PIEZO1: variants seen among roughly 807,000 people sequenced by gnomAD.
PIEZO1 encodes the protein piezo type mechanosensitive ion channel component 1 (Er blood group), also known as piezo-type mechanosensitive ion channel component 1.
Under a neutral mutation model 297.2 loss-of-function variants are expected in PIEZO1, and 296 were observed. That is an observed-to-expected ratio of 1.00 (90% CI 0.91 to 1.10). PIEZO1 has a LOEUF of 1.10. Ranked by LOEUF, PIEZO1 falls within the 50% of genes least tolerant of loss-of-function variation. The pLI is 0.00. For synonymous variants in PIEZO1, 2,427 were observed against 1,507.5 expected, an observed-to-expected ratio of 1.61 and a Z score of -14.13; for missense variants, 5,018 against 3,455.5, an observed-to-expected ratio of 1.45 and a Z score of -11.34.
At position 88,721,826 on chromosome 16, in the gene PIEZO1, C is replaced by T. The variant is rs367980850; in HGVS notation, c.5196G>A (p.Thr1732=). The T allele has an allele frequency of 6.0e-5, 93 of 1,547,248 alleles. No homozygotes were observed. The highest frequency in any genetic ancestry group is 1.7e-4 in the Middle Eastern group (1 of 5,998). ...GGCCCACCTCGGTGAAGACGATGGC[C>T]GTCATCCAGAAGCGCTTGCTGGGCC... ...IPRPSKRFWM[T]AIVFTEIAVV... is the part of the protein sequence containing the mutation. Residue 1732 remains threonine (T), a synonymous_variant, in exon 37 of 51, where the codon ACG becomes ACA. Transcript: ENST00000301015.
Position 88,716,375 on chromosome 16 carries a change from G to C in PIEZO1, c.7035C>G (p.Thr2345=). The part of the protein sequence containing the change: ...RRQLASLLEG[T]SDQSVVIPNL... ...CCTTCACTCACACAGACTGGTCCGA[G>C]GTGCCCTCGAGCAGGCTGGCCAGCT... The change falls in exon 48 of 51, where the codon ACC becomes ACG. Residue 2345 remains threonine, a synonymous_variant. Coordinates refer to ENST00000301015, the MANE Select transcript of PIEZO1 (RefSeq NM_001142864.4). 1 of 1,543,820 alleles carries C rather than the reference G, an allele frequency of 6.5e-7. No homozygotes were observed. The highest frequency in any genetic ancestry group is 8.7e-7 in the Non-Finnish European group (1 of 1,143,032).
chr16:88,736,346 G>T lies in PIEZO1; in HGVS notation c.1359C>A (p.Ile453=). The T allele has an allele frequency of 6.5e-7, 1 of 1,550,130 alleles. No homozygotes were observed. Among genetic ancestry groups the T allele is most frequent in the Non-Finnish European group, 8.7e-7 (1 of 1,146,838 alleles). The change falls in exon 12 of 51, where the codon ATC becomes ATA. Residue 453 remains isoleucine, a synonymous_variant. Coordinates refer to ENST00000301015, the MANE Select transcript of PIEZO1 (RefSeq NM_001142864.4). ...GTTGGTGGCGGCTGCGCACCGTCCAGATGAGGCAGGCCCAGAGCAGCAGTA... is the reference window on the plus strand; with the variant it reads ...GTTGGTGGCGGCTGCGCACCGTCCATATGAGGCAGGCCCAGAGCAGCAGTA... ...TFVLLLWACL[I]WTVRSRHQLA...
At chr16:88,747,020 G>A (rs1386218394) in intron 2 of PIEZO1, among the ~76,000 whole-genome samples, 1 of 152,146 alleles carries the variant, frequency 6.6e-6, no homozygotes, top group African/African-American at 2.4e-5. Context: ...CGGCCGCACT[G>A]GGCCCCTCCC....
chr16:88,724,771 G>A (rs561400391), intron 30 of PIEZO1, among the ~76,000 whole-genome samples: 13 of 152,268 alleles, frequency 8.5e-5, no homozygotes, highest in Middle Eastern at 3.4e-3. Flanking sequence ...ATGTGTCATC[G>A]GGGCAAGCTC....
At chr16:88,779,638 A>G (rs1388295367) in intron 1 of PIEZO1, among the ~76,000 whole-genome samples, 2 of 152,168 alleles carry the variant, frequency 1.3e-5, no homozygotes, top group Non-Finnish European at 2.9e-5. Flanking sequence ...GGGAATCTGC[A>G]GTGGGATGGG....
chr16:88,717,921 A>G (rs1912166916), intron 44 of PIEZO1: 2 of 386,934 alleles, frequency 5.2e-6, no homozygotes, highest in Non-Finnish European at 1.0e-5. Context: ...AACCTGGCCA[A>G]AAATACAAAA....
At chr16:88,766,689 GT>G (rs1446431087) in intron 1 of PIEZO1, among the ~76,000 whole-genome samples, 1 of 152,236 alleles carries the variant, frequency 6.6e-6, no homozygotes, top group Non-Finnish European at 1.5e-5. Context: ...ATTCAACAAA[GT>G]CATGAAGCAA....
Position 88,719,603 on chromosome 16 carries a change from T to C in PIEZO1, c.6442A>G (p.Ile2148Val). 1 of 1,551,556 alleles carries C rather than the reference T, an allele frequency of 6.4e-7. No individual in the cohort carries two copies. The highest frequency in any genetic ancestry group is 8.7e-7 in the Non-Finnish European group (1 of 1,147,456). Residue 2148 changes from isoleucine (I) to valine (V), a missense_variant, in exon 44 of 51, where the codon ATC becomes GTC. Ile to Val is a conservative substitution (Grantham distance 29, BLOSUM62 3). Coordinates refer to ENST00000301015, the MANE Select transcript of PIEZO1 (RefSeq NM_001142864.4). ...CVEDIYANIF[I>V]IKCSRETEKK... is the part of the protein sequence containing the mutation. ...TCTGTCTCTCGGCTGCATTTGATGA[T>C]GAAGATGTTGGCATAGATGTCCTCC...
chr16:88,737,037 G>T (rs1905266898), intron 10 of PIEZO1: 1 of 323,502 alleles, frequency 3.1e-6, no homozygotes, highest in Admixed American at 4.8e-5. Flanking sequence ...CCCCACCCCA[G>T]GGCCGTGGCT....
chr16:88,716,237 TGGGGGCACGGATGTAC>T lies in PIEZO1; in HGVS notation c.7074_7089del (p.Tyr2359ThrfsTer8). 1 of 1,496,574 alleles carries T rather than the reference TGGGGGCACGGATGTAC, an allele frequency of 6.7e-7. No homozygotes were observed. Among genetic ancestry groups the T allele is most frequent in the Non-Finnish European group, 9.0e-7 (1 of 1,117,236 alleles). 92.7% of individuals were successfully genotyped at this position (1,496,574 alleles called of 1,614,324 possible). On this transcript the variant is annotated frameshift_variant, in exon 49 of 51. Transcript: ENST00000301015. LOFTEE classifies it high-confidence loss of function. ...TTCACAGGGTTGGCTTCGGGCCCGT[TGGGGGCACGGATGTAC>T]TTGGGGAAGAGATTAGGGATGACCC...
chr16:88,722,601 G>T lies in PIEZO1; in HGVS notation c.4757C>A (p.Ala1586Asp). The T allele has an allele frequency of 6.5e-7, 1 of 1,537,154 alleles. No homozygotes were observed. ...CACCTACCTGGACACGGTGCTTGGG[G>T]CATTGGGGGCCTCGGTGGGGCCTGG... ...TLPGPTEAPNAPSTVSSGLGA... is the reference protein window; with the variant it reads ...TLPGPTEAPNDPSTVSSGLGA... Residue 1586 changes from alanine to aspartate, a missense_variant, in exon 35 of 51, where the codon GCC (alanine) becomes GAC (aspartate). Physicochemically the swap from Ala to Asp is moderately radical, Grantham distance 126. Transcript: ENST00000301015.
In PIEZO1 at chr16:88,725,791, G is replaced by A. The variant is rs1048997381; in HGVS notation, c.3969-107C>T. On this transcript the variant is annotated intron_variant, in intron 27 of 50. Coordinates refer to ENST00000301015, the MANE Select transcript of PIEZO1 (RefSeq NM_001142864.4). Reference sequence around the variant, plus strand: ...GGGACAGCTCAGCCTGCTCCTCTCTGCCCACGCTGGACAAGAGGCACCCAC... The same window carrying A: ...GGGACAGCTCAGCCTGCTCCTCTCTACCCACGCTGGACAAGAGGCACCCAC... 1.3e-5 allele frequency: 9 copies of A among 671,830 alleles called. No individual in the cohort carries two copies. The African/African-American group carries it at 1.4e-4, about 11-fold the overall frequency. 41.6% of individuals were successfully genotyped at this position (671,830 alleles called of 1,614,324 possible). A position where few individuals can be genotyped will look rare whatever the true frequency, so the allele number is the denominator to read the frequency against.
In PIEZO1 at chr16:88,723,383, G is replaced by C. The variant is rs573946074; in HGVS notation, c.4336-55C>G. Reference sequence around the variant, plus strand: ...GCCTCCCGAGCCATCAGACCCAGGCGGGAAGCTGGGGTTGGGCAAGCCGGG... The same window carrying C: ...GCCTCCCGAGCCATCAGACCCAGGCCGGAAGCTGGGGTTGGGCAAGCCGGG... On this transcript the variant is annotated intron_variant, in intron 31 of 50. Coordinates refer to ENST00000301015, the MANE Select transcript of PIEZO1 (RefSeq NM_001142864.4). The C allele has an allele frequency of 4.6e-6, 7 of 1,528,604 alleles. No homozygotes were observed. In the African/African-American group the frequency reaches 6.9e-5, roughly 15 times the overall value. 94.7% of individuals were successfully genotyped at this position (1,528,604 alleles called of 1,614,324 possible).
rs1356619500 is a variant in PIEZO1, at chr16:88,722,057, G to T, written c.4965C>A (p.Arg1655=). 1.3e-6 allele frequency: 2 copies of T among 1,546,168 alleles called. No individual in the cohort carries two copies. The highest frequency in any genetic ancestry group is 1.7e-6 in the Non-Finnish European group (2 of 1,145,616). The change falls in exon 37 of 51, where the codon CGC becomes CGA. Residue 1655 remains arginine, a synonymous_variant. Transcript: ENST00000301015. ...GCTCTGCCTCCTCCAGCTCTGGGAT[G>T]CGCAGGCGCCTACAGGGAGACCCGC... is the stretch of plus-strand genomic sequence containing the variant. The part of the protein sequence containing the change: ...ASELLLDRRL[R]IPELEEAELF...
At chr16:88,755,154 T>G (rs1906590708) in intron 1 of PIEZO1, among the ~76,000 whole-genome samples, 1 of 152,172 alleles carries the variant, frequency 6.6e-6, no homozygotes, top group Non-Finnish European at 1.5e-5. Context: ...GACTGTCACC[T>G]CCACATTGCA....
At chr16:88,725,821 G>T (rs1904384127) in intron 27 of PIEZO1, 137 bp from the exon 28 acceptor site, 1 of 627,910 alleles carries the variant, frequency 1.6e-6, no homozygotes, top group Admixed American at 2.7e-5. Context: ...ACCCACGGGG[G>T]AGGCATCTGC....
chr16:88,759,480 G>C (rs1454438465), intron 1 of PIEZO1, among the ~76,000 whole-genome samples: 1 of 152,166 alleles, frequency 6.6e-6, no homozygotes, highest in East Asian at 1.9e-4. Flanking sequence ...GCCTTATTTG[G>C]CTTGGAAGAG....
At chr16:88,758,645 C>T (rs961307985) in intron 1 of PIEZO1, among the ~76,000 whole-genome samples, 8 of 152,190 alleles carry the variant, frequency 5.3e-5, no homozygotes, top group Admixed American at 1.3e-4. Context: ...GCAGGGGGTG[C>T]GGCAGAACCC....
At chr16:88,742,784 G>A (rs988855860) in intron 2 of PIEZO1, 3 of 343,254 alleles carry the variant, frequency 8.7e-6, no homozygotes, top group Admixed American at 4.1e-5. Context: ...ACAAGGAGAG[G>A]CAAGAAGCTC....
Sources: allele counts gnomAD v4.1 joint callset (sites outside exome capture counted in the v4.1 genomes callset), GRCh38; gene constraint gnomAD v4.1.1; transcripts MANE v1.5; gene names NCBI Gene and HGNC (gene_info 2026-07-23, HGNC 2026-07-21).